The following MSRA variants were observed in gnomAD, a reference collection of about 807,000 sequenced individuals.
The protein encoded by MSRA is mitochondrial peptide methionine sulfoxide reductase.
In MSRA, 54 loss-of-function variants were observed where a neutral mutation model predicts 31.3. The observed-to-expected ratio is 1.73, with a 90% CI of 1.39 to 2.17. The LOEUF is 2.17. MSRA is among the 30% of genes most tolerant of loss of function. MSRA has a pLI of 0.00. For missense variants in MSRA, 507 were observed against 300.9 expected (o/e 1.69, Z -5.07); for synonymous variants, 169 against 116.5 (o/e 1.45, Z -2.90).
intron 5 of MSRA, among the ~76,000 whole-genome samples, chr8:10,427,295 G>C (rs796855411): frequency 6.6e-6 from 1 of 152,214 alleles, no homozygotes; most frequent in African/African-American, 2.4e-5. Flanking sequence ...GAAATCCAAA[G>C]GGGAGAAGAA....
chr8:10,085,876 A>C (rs1391190542), intron 1 of MSRA, among the ~76,000 whole-genome samples: 1 of 152,206 alleles, frequency 6.6e-6, no homozygotes, highest in Non-Finnish European at 1.5e-5. Context: ...TTTTCCACCT[A>C]GCATAGTGTT....
intron 3 of MSRA, among the ~76,000 whole-genome samples, chr8:10,264,901 C>T (rs1798667840): frequency 6.6e-6 from 1 of 152,086 alleles, no homozygotes; most frequent in Non-Finnish European, 1.5e-5. Flanking sequence ...TCAGGTTGGC[C>T]TAGAGCCCTC....
At chr8:10,230,821 G>A (rs368780708) in intron 2 of MSRA, among the ~76,000 whole-genome samples, 5 of 152,150 alleles carry the variant, frequency 3.3e-5, no homozygotes, top group African/African-American at 7.2e-5. Context: ...TTTTGCTCTC[G>A]TTGCCCAGGC....
At chr8:10,205,663 T>C (rs1465114893) in intron 1 of MSRA, among the ~76,000 whole-genome samples, 1 of 152,200 alleles carries the variant, frequency 6.6e-6, no homozygotes, top group Non-Finnish European at 1.5e-5. Context: ...ATTTTCACCC[T>C]AGACAAAAAG....
At chr8:10,345,359 T>C (rs1156458090) in intron 5 of MSRA, among the ~76,000 whole-genome samples, 1 of 152,180 alleles carries the variant, frequency 6.6e-6, no homozygotes, top group African/African-American at 2.4e-5. Context: ...CAGCCTGAGT[T>C]TGAGGTATTT....
intron 3 of MSRA, among the ~76,000 whole-genome samples, chr8:10,279,406 A>G (rs528081695): frequency 1.3e-5 from 2 of 152,302 alleles, no homozygotes; most frequent in East Asian, 1.9e-4. Context: ...TCCCTTTGAC[A>G]ACTCAACTTT....
chr8:10,390,847 G>T (rs1334860670), intron 5 of MSRA, among the ~76,000 whole-genome samples: 1 of 152,120 alleles, frequency 6.6e-6, no homozygotes, highest in African/African-American at 2.4e-5. Flanking sequence ...GCGGTGGCAG[G>T]CGCCTGTAGT....
In MSRA at chr8:10,228,539, C is replaced by T. The variant is rs145949987; in HGVS notation, c.212-16565C>T. ...TGATCCCACAGCACCATCCTTCAAA[C>T]CCTGTGTCTGCACGGGGAGGCTGTT... On this transcript the variant is annotated intron_variant, in intron 2 of 5. Transcript: ENST00000317173. 1.1e-3 allele frequency among the ~76,000 whole-genome samples: 161 copies of T among 152,320 alleles called. 2 individuals are homozygous for T. The highest frequency in any genetic ancestry group is 6.8e-3 in the Middle Eastern group (2 of 294).
intron 1 of MSRA, among the ~76,000 whole-genome samples, chr8:10,129,015 G>C (rs768622495): frequency 6.6e-6 from 1 of 152,148 alleles, no homozygotes; most frequent in Non-Finnish European, 1.5e-5. Context: ...ATTTTCTCAC[G>C]AGTTTGCAAG....
rs187374734 is a variant in MSRA, at chr8:10,363,444, T to A, written c.543+43455T>A. Among the ~76,000 whole-genome samples the A allele has an allele frequency of 2.6e-3, 394 of 152,210 alleles. 3 individuals carry two copies. Among genetic ancestry groups the A allele is most frequent in the African/African-American group, 9.2e-3 (383 of 41,540 alleles). On this transcript the variant is annotated intron_variant, in intron 5 of 5. Coordinates refer to ENST00000317173, the MANE Select transcript of MSRA (RefSeq NM_012331.5). ...TTACCTGCGCAGACACAGCACCTCT[T>A]GGAGGAGCTAGGAAGTGGGAGTTCC...
intron 3 of MSRA, among the ~76,000 whole-genome samples, chr8:10,297,588 G>C (rs1800612992): frequency 6.6e-6 from 1 of 152,204 alleles, no homozygotes; most frequent in Admixed American, 6.5e-5. Flanking sequence ...AAGTGGTTCT[G>C]AGTCCCTTAA....
intron 3 of MSRA, among the ~76,000 whole-genome samples, chr8:10,281,635 C>T (rs910734248): frequency 9.2e-5 from 14 of 152,190 alleles, no homozygotes; most frequent in Admixed American, 7.2e-4. Context: ...CTTTCAGAGA[C>T]GATTTCCGGC....
At chr8:10,373,292 C>A (rs73195322) in intron 5 of MSRA, among the ~76,000 whole-genome samples, 4,373 of 152,340 alleles carry the variant, frequency 0.029, 95 homozygotes, top group Non-Finnish European at 0.05. Context: ...CAACCAAGGA[C>A]TGAAAGATTA....
chr8:10,298,501 A>G (rs749216572), intron 3 of MSRA, among the ~76,000 whole-genome samples: 20 of 152,150 alleles, frequency 1.3e-4, no homozygotes, highest in Non-Finnish European at 1.2e-4. Flanking sequence ...TTTAATGGGT[A>G]CGGAATATCA....
intron 3 of MSRA, among the ~76,000 whole-genome samples, chr8:10,300,756 A>T (rs911393047): frequency 1.3e-5 from 2 of 152,172 alleles, no homozygotes; most frequent in Non-Finnish European, 2.9e-5. Context: ...TAGTGATCTT[A>T]GTATGGAGGG....
At chr8:10,153,496 T>G (rs1803887311) in intron 1 of MSRA, among the ~76,000 whole-genome samples, 1 of 142,848 alleles carries the variant, frequency 7.0e-6, no homozygotes, top group South Asian at 2.5e-4. Context: ...AGCGTCTTTC[T>G]TCAGGACAGC....
At chr8:10,122,971 T>C (rs367759758) in intron 1 of MSRA, among the ~76,000 whole-genome samples, 7 of 152,198 alleles carry the variant, frequency 4.6e-5, no homozygotes, top group African/African-American at 1.7e-4. Context: ...TTTGCTATTG[T>C]GAATAGTGCT....
chr8:10,236,339 C>A (rs1433747758), intron 2 of MSRA, among the ~76,000 whole-genome samples: 1 of 152,092 alleles, frequency 6.6e-6, no homozygotes, highest in Non-Finnish European at 1.5e-5. Flanking sequence ...ATATAACTTT[C>A]TGTATAGGAA....
At chr8:10,250,500 A>G (rs574541031) in intron 3 of MSRA, 2 of 701,712 alleles carry the variant, frequency 2.9e-6, no homozygotes, top group Non-Finnish European at 5.2e-6. Flanking sequence ...CACTGAATCC[A>G]GAAGCATGAA....
Sources: allele counts gnomAD v4.1 joint callset (sites outside exome capture counted in the v4.1 genomes callset), GRCh38; gene constraint gnomAD v4.1.1; transcripts MANE v1.5; gene names NCBI Gene and HGNC (gene_info 2026-07-23, HGNC 2026-07-21).